ALG13: variants seen among roughly 807,000 people sequenced by gnomAD.
The protein encoded by ALG13 is UDP-N-acetylglucosamine transferase subunit ALG13.
In ALG13, 11 loss-of-function variants were observed where a neutral mutation model predicts 87.8. The observed-to-expected ratio is 0.13, with a 90% CI of 0.08 to 0.21. The LOEUF (loss-of-function observed/expected upper bound fraction) is 0.21. Among genes scored for constraint, ALG13 ranks in the 10% least tolerant of loss-of-function variants. ALG13 has a pLI of 1.00. For synonymous variants in ALG13, 320 were observed against 306.3 expected (o/e 1.04, Z -0.47); for missense variants, 756 against 866.1 (o/e 0.87, Z 1.60).
intron 3 of ALG13, among the ~76,000 whole-genome samples, chrX:111,702,477 A>G (rs1375513646): frequency 9.0e-6 from 1 of 111,117 alleles, no homozygotes; most frequent in East Asian, 2.8e-4. Context: ...TCATTTTGTT[A>G]TTTCATCATT....
In ALG13 at chrX:111,735,056, T is replaced by A; in HGVS notation, c.2463T>A (p.Leu821=). ...STTASTANLS[L]QDRKSCSMSP... ...ACTATATTTTTGTATTAAAGTCTCT[T>A]CAGGACAGAAAGTCATGTTCTATGT... The change falls in exon 22 of 27, where the codon CTT becomes CTA. Residue 821 remains leucine (L), a synonymous_variant. Transcript: ENST00000394780. The A allele has an allele frequency of 8.6e-7, 1 of 1,166,750 alleles. No individual in the cohort carries two copies. The highest frequency in any genetic ancestry group is 1.2e-6 in the Non-Finnish European group (1 of 857,610).
chrX:111,754,040 C>T (rs1011428412), intron 25 of ALG13, among the ~76,000 whole-genome samples: 5 of 111,694 alleles, frequency 4.5e-5, no homozygotes, highest in African/African-American at 6.5e-5. Flanking sequence ...TACTGGCAAA[C>T]CGAATCCAGC....
chrX:111,684,817 C>G, intron 2 of ALG13, 148 bp from the exon 3 acceptor site: 1 of 526,147 alleles, frequency 1.9e-6, no homozygotes, highest in East Asian at 3.5e-5. Context: ...GATAACTATA[C>G]TCTTGTCATT....
chrX:111,745,020 G>A, intron 24 of ALG13, 116 bp downstream of exon 24: 1 of 611,149 alleles, frequency 1.6e-6, no homozygotes. Flanking sequence ...ATTGACTTGA[G>A]AACACAATAC....
In ALG13 at chrX:111,750,084, T is replaced by C. The variant is rs12387640; in HGVS notation, c.2933-2706T>C. Among the ~76,000 whole-genome samples the C allele has an allele frequency of 9.0e-3, 1,007 of 112,086 alleles. 17 individuals are homozygous for C. Among genetic ancestry groups the C allele is most frequent in the African/African-American group, 0.03 (927 of 30,870 alleles). ...TAGTCTCTATTCCAACCTTATCTCT[T>C]TCTACTCCTATGTGAACTCTATGTA... On this transcript the variant is annotated intron_variant, in intron 24 of 26. Transcript: ENST00000394780.
chrX:111,728,973 A>T (rs1339993806), intron 19 of ALG13, among the ~76,000 whole-genome samples: 1 of 111,617 alleles, frequency 9.0e-6, no homozygotes, highest in Non-Finnish European at 1.9e-5. Flanking sequence ...CATACAATTC[A>T]GCTATTTAAA....
intron 3 of ALG13, among the ~76,000 whole-genome samples, chrX:111,696,343 A>G (rs2147864734): frequency 8.9e-6 from 1 of 111,903 alleles, no homozygotes; most frequent in South Asian, 3.8e-4. Flanking sequence ...AATTCCCTAC[A>G]TTTGGAAGAG....
At chrX:111,741,532 G>T (rs1569521576) in intron 23 of ALG13, among the ~76,000 whole-genome samples, 1 of 112,260 alleles carries the variant, frequency 8.9e-6, no homozygotes, top group Non-Finnish European at 1.9e-5. Context: ...GATAAAGTGA[G>T]CAGGGCATGG....
chrX:111,750,651 A>G lies in ALG13; in HGVS notation c.2933-2139A>G, dbSNP rs182589753. On this transcript the variant is annotated intron_variant, in intron 24 of 26. Coordinates refer to ENST00000394780, the MANE Select transcript of ALG13 (RefSeq NM_001099922.3). ...TATTGTATTGTTTGTTTGTTTGTTT[A>G]TTTACTTATTTATTTATTTATTTAT... Among the ~76,000 whole-genome samples the G allele has an allele frequency of 3.1e-4, 34 of 108,265 alleles. 1 individual carries two copies. The highest frequency in any genetic ancestry group is 1.9e-3 in the South Asian group (5 of 2,578). The allele number at this position is 108,265 out of a possible 115,157, so 94.0% of individuals were successfully genotyped here. A position where few individuals can be genotyped will look rare whatever the true frequency, so the allele number is the denominator to read the frequency against.
chrX:111,732,218 C>T (rs987329289), intron 21 of ALG13, among the ~76,000 whole-genome samples: 17 of 111,648 alleles, frequency 1.5e-4, no homozygotes, highest in Admixed American at 8.6e-4. Context: ...ATACTAACAT[C>T]ATGTCTTCTA....
intron 3 of ALG13, chrX:111,706,535 T>G (rs897975468): frequency 3.6e-5 from 4 of 111,603 alleles, no homozygotes; most frequent in Admixed American, 9.5e-5. Context: ...GGTGGGAGGA[T>G]AGCTTTAACC....
intron 8 of ALG13, among the ~76,000 whole-genome samples, chrX:111,715,472 C>G (rs1488534748): frequency 9.0e-6 from 1 of 111,679 alleles, no homozygotes; most frequent in Non-Finnish European, 1.9e-5. Flanking sequence ...AATCCCAGCA[C>G]TTTGGGAGGT....
intron 3 of ALG13, among the ~76,000 whole-genome samples, chrX:111,700,480 G>A (rs1937625977): frequency 9.0e-6 from 1 of 110,633 alleles, no homozygotes; most frequent in Non-Finnish European, 1.9e-5. Flanking sequence ...TTTCACTCTT[G>A]AAAATGGTCA....
intron 8 of ALG13, chrX:111,717,110 T>G (rs945109679): frequency 4.5e-5 from 5 of 110,370 alleles, no homozygotes; most frequent in Admixed American, 2.9e-4. Context: ...TGAAGACAGA[T>G]TTTTTCAACA....
intron 3 of ALG13, among the ~76,000 whole-genome samples, chrX:111,696,761 CTA>C (rs1466352430): frequency 5.4e-5 from 6 of 111,303 alleles, no homozygotes; most frequent in African/African-American, 1.3e-4. Context: ...GACAAGTAAA[CTA>C]TGTTATTTAA....
chrX:111,681,297 C>G lies in ALG13; in HGVS notation c.79C>G (p.Gln27Glu), dbSNP rs1404395085. ...IACVSAPDSL[Q>E]KIESLGYNRL... is the part of the protein sequence containing the mutation. ...GTGTGTGTCGGCGCCCGACAGTCTG[C>G]AAGTGAGTGAGGGAGGCGAGCAGGC... The change falls in exon 1 of 27, where the codon CAA becomes GAA. Residue 27 changes from glutamine to glutamate, a missense_variant and splice_region_variant. Around this residue, in one of 9 missense-constraint regions of ALG13, gnomAD observed 153 missense variants for 168.7 expected, o/e 0.91. Transcript: ENST00000394780. 1.4e-5 allele frequency: 17 copies of G among 1,210,739 alleles called. No homozygotes were observed. In the Admixed American group the frequency reaches 3.7e-4, roughly 26 times the overall value.
At chrX:111,686,063 G>A in intron 3 of ALG13, 1 of 651,621 alleles carries the variant, frequency 1.5e-6, no homozygotes, top group Middle Eastern at 3.9e-4. Context: ...TTTTCTACAA[G>A]TATATTAGAA....
chrX:111,688,154 C>G, intron 3 of ALG13: 1 of 847,289 alleles, frequency 1.2e-6, no homozygotes. Flanking sequence ...ATGTTGTGCA[C>G]ATTTGCATTG....
intron 25 of ALG13, chrX:111,753,288 C>T (rs1346876495): frequency 8.9e-6 from 1 of 112,554 alleles, no homozygotes; most frequent in Admixed American, 9.4e-5. Context: ...ATCTTTGAGA[C>T]ACAGCTAAAG....
Sources: allele counts gnomAD v4.1 joint callset (sites outside exome capture counted in the v4.1 genomes callset), GRCh38; gene constraint gnomAD v4.1.1; regional missense constraint gnomAD v4.1.1; transcripts MANE v1.5; gene names NCBI Gene and HGNC (gene_info 2026-07-23, HGNC 2026-07-21).